Variants in USH2A observed in about 807,000 individuals in gnomAD.
USH2A encodes the protein Usher syndrome 2A (autosomal recessive, mild).
A neutral mutation model predicts 538.9 loss-of-function variants in USH2A; 443 were observed. The ratio of observed to expected loss-of-function variants is 0.82; its 90% confidence interval spans 0.76 to 0.89. The LOEUF (loss-of-function observed/expected upper bound fraction) is 0.89. USH2A is among the 40% of genes least tolerant of loss of function. USH2A has a pLI of 0.00. For synonymous variants in USH2A, 2,413 were observed against 2,273.5 expected, an observed-to-expected ratio of 1.06 and a Z score of -1.75; for missense variants, 6,633 against 6,324.8, an observed-to-expected ratio of 1.05 and a Z score of -1.65.
intron 21 of USH2A, among the ~76,000 whole-genome samples, chr1:216,148,422 C>T (rs1038803584): frequency 3.3e-5 from 5 of 152,118 alleles, no homozygotes; most frequent in Admixed American, 6.5e-5. Context: ...CCTCTTCTAT[C>T]CCCCCACCTT....
At chr1:216,175,075 TCCCCAGAA>T in intron 21 of USH2A, 169 bp downstream of exon 21, 2 of 1,441,316 alleles carry the variant, frequency 1.4e-6, no homozygotes, top group Admixed American at 5.3e-5. Flanking sequence ...CTGACTTTTT[TCCCCAGAA>T]TTCTAAAAAG....
At chr1:216,346,311 C>T (rs2038174873) in intron 4 of USH2A, among the ~76,000 whole-genome samples, 1 of 152,018 alleles carries the variant, frequency 6.6e-6, no homozygotes, top group African/African-American at 2.4e-5. Flanking sequence ...AAAAAAGGAG[C>T]ACCACAGACC....
chr1:215,664,237 C>T (rs1179988804), intron 64 of USH2A, among the ~76,000 whole-genome samples: 1 of 152,090 alleles, frequency 6.6e-6, no homozygotes, highest in Admixed American at 6.5e-5. Context: ...TTGTAGCTAA[C>T]TAAATAAGTT....
Position 215,900,920 on chromosome 1 carries a change from A to G in USH2A, c.7301-15T>C. On this transcript the variant is annotated splice_polypyrimidine_tract_variant and intron_variant, in intron 38 of 71. Transcript: ENST00000307340. ...GCCATCTGGAGCTGTCGAAAAACAC[A>G]GATGAATTAGAGCAGAGAAAACTGT... is the stretch of plus-strand genomic sequence containing the variant. 6.2e-7 allele frequency: 1 copy of G among 1,613,088 alleles called. No homozygotes were observed. The highest frequency in any genetic ancestry group is 8.5e-7 in the Non-Finnish European group (1 of 1,179,518).
chr1:215,650,918 G>A (rs1657056271), intron 64 of USH2A, 117 bp from the exon 65 acceptor site: 1 of 1,084,434 alleles, frequency 9.2e-7, no homozygotes, highest in Non-Finnish European at 1.3e-6. Context: ...AAACACAACA[G>A]GAAGAGATAA....
At chr1:216,173,457 TG>T (rs2102639072) in intron 21 of USH2A, among the ~76,000 whole-genome samples, 1 of 152,256 alleles carries the variant, frequency 6.6e-6, no homozygotes, top group Non-Finnish European at 1.5e-5. Flanking sequence ...AAGCCAAAAT[TG>T]TGATCTCCCT....
chr1:216,187,935 C>T (rs2034640814), intron 20 of USH2A, among the ~76,000 whole-genome samples: 2 of 151,978 alleles, frequency 1.3e-5, no homozygotes, highest in Non-Finnish European at 2.9e-5. Context: ...TTTTGGCTAA[C>T]CATTTTTTTC....
intron 21 of USH2A, among the ~76,000 whole-genome samples, chr1:216,132,831 A>G (rs1014915678): frequency 2.0e-5 from 3 of 152,110 alleles, no homozygotes; most frequent in African/African-American, 7.2e-5. Flanking sequence ...CCCTCTCCCT[A>G]TAATGAAAGC....
At chr1:216,132,152 C>T (rs1373880260) in intron 21 of USH2A, among the ~76,000 whole-genome samples, 1 of 152,076 alleles carries the variant, frequency 6.6e-6, no homozygotes, top group African/African-American at 2.4e-5. Context: ...TTCATCTGTT[C>T]TAAACTTCAG....
chr1:215,795,747 G>A (rs1166364472), intron 50 of USH2A, among the ~76,000 whole-genome samples: 1 of 152,126 alleles, frequency 6.6e-6, no homozygotes, highest in East Asian at 1.9e-4. Context: ...GTTAGTCATA[G>A]TACAGGATAA....
chr1:215,798,551 T>C (rs1369787203), intron 50 of USH2A, among the ~76,000 whole-genome samples: 1 of 152,156 alleles, frequency 6.6e-6, no homozygotes, highest in Non-Finnish European at 1.5e-5. Context: ...CTTAATACAG[T>C]AGAATAAGGG....
chr1:216,187,428 A>G (rs934473288), intron 20 of USH2A, among the ~76,000 whole-genome samples: 1 of 151,970 alleles, frequency 6.6e-6, no homozygotes, highest in Non-Finnish European at 1.5e-5. Context: ...CTATATTGCA[A>G]CCAACAAATG....
At chr1:215,790,881 C>T (rs1020376068) in intron 50 of USH2A, among the ~76,000 whole-genome samples, 4 of 152,198 alleles carry the variant, frequency 2.6e-5, no homozygotes, top group African/African-American at 7.2e-5. Flanking sequence ...ATCAGCTGAG[C>T]ATGTTCACTG....
At chr1:216,364,868 T>C in intron 4 of USH2A, 85 bp downstream of exon 4, 1 of 1,542,248 alleles carries the variant, frequency 6.5e-7, no homozygotes. Flanking sequence ...TACACGTAGA[T>C]ATTTTAAAAT....
chr1:216,159,481 G>T lies in USH2A; in HGVS notation c.4627+15771C>A, dbSNP rs141953130. 8.0e-3 allele frequency among the ~76,000 whole-genome samples: 1,204 copies of T among 150,404 alleles called. 16 individuals carry two copies. Among genetic ancestry groups the T allele is most frequent in the African/African-American group, 0.029 (1,174 of 40,902 alleles). On this transcript the variant is annotated intron_variant, in intron 21 of 71. Transcript: ENST00000307340. The stretch of plus-strand genomic sequence containing the variant: ...TGTTGAATCACATACATTTTGAAAA[G>T]ATTACACACTACTGGAATAAAACCT...
In USH2A at chr1:216,012,822, G is replaced by A. The variant is rs567422767; in HGVS notation, c.6326-12260C>T. 9.2e-5 allele frequency among the ~76,000 whole-genome samples: 14 copies of A among 152,200 alleles called. No individual in the cohort carries two copies. The East Asian group carries it at 2.5e-3, about 27-fold the overall frequency. ...AGCCCATTTGAGCTCCTGTATAGAC[G>A]CTCCTTTTTATTAGGCCCCAGTCTC... is the stretch of plus-strand genomic sequence containing the variant. On this transcript the variant is annotated intron_variant, in intron 32 of 71. Transcript: ENST00000307340.
chr1:216,016,844 A>G (rs1381759507), intron 32 of USH2A, among the ~76,000 whole-genome samples: 1 of 107,236 alleles, frequency 9.3e-6, no homozygotes, highest in Non-Finnish European at 1.7e-5. Context: ...TTCAGTCACT[A>G]CTTTGTGTGT....
chr1:215,785,060 A>C (rs906319834), intron 52 of USH2A, among the ~76,000 whole-genome samples: 6 of 152,224 alleles, frequency 3.9e-5, no homozygotes, highest in African/African-American at 1.4e-4. Context: ...TTTCCTAATT[A>C]AATTCATTCC....
At chr1:216,377,883 GGAAGGAAGGA>G (rs2102729127) in intron 3 of USH2A, among the ~76,000 whole-genome samples, 2 of 146,804 alleles carry the variant, frequency 1.4e-5, no homozygotes, top group South Asian at 2.2e-4. Context: ...AAGAAAGAAA[GGAAGGAAGGA>G]AGAAAGAAAG....
Sources: allele counts gnomAD v4.1 joint callset (sites outside exome capture counted in the v4.1 genomes callset), GRCh38; gene constraint gnomAD v4.1.1; transcripts MANE v1.5; gene names NCBI Gene and HGNC (gene_info 2026-07-23, HGNC 2026-07-21).